Variants in IDO2 observed in about 807,000 individuals in gnomAD.
IDO2 encodes indoleamine 2,3-dioxygenase-like 1 protein.
Under a neutral mutation model 45.1 loss-of-function variants are expected in IDO2, and 46 were observed. The ratio of observed to expected loss-of-function variants is 1.02; its 90% confidence interval spans 0.80 to 1.30. The LOEUF is 1.30. Ranked by LOEUF, IDO2 falls within the 50% of genes most tolerant of loss-of-function variation. IDO2 has a pLI of 0.00. For missense variants in IDO2, 544 were observed against 491.8 expected (o/e 1.11, Z -1.00); for synonymous variants, 218 against 184.9 (o/e 1.18, Z -1.45).
At chr8:39,995,880 C>T (rs1223924415) in intron 8 of IDO2, among the ~76,000 whole-genome samples, 1 of 152,122 alleles carries the variant, frequency 6.6e-6, no homozygotes, top group Non-Finnish European at 1.5e-5. Flanking sequence ...CTAGCGGTAA[C>T]GCCCGCGTCT....
At chr8:39,939,258 A>T (rs1175741783) in intron 1 of IDO2, among the ~76,000 whole-genome samples, 38 of 149,084 alleles carry the variant, frequency 2.5e-4, no homozygotes, top group Admixed American at 1.0e-3. Flanking sequence ...AAAAAAAAAA[A>T]AAAAGAGGCC....
chr8:39,964,196 C>G (rs2543053), intron 3 of IDO2, among the ~76,000 whole-genome samples: 3 of 152,202 alleles, frequency 2.0e-5, no homozygotes, highest in Admixed American at 1.3e-4. Flanking sequence ...AAATTCCACA[C>G]AAGTGTTGAT....
chr8:39,966,140 T>G (rs979843728), intron 3 of IDO2, among the ~76,000 whole-genome samples: 1 of 150,148 alleles, frequency 6.7e-6, no homozygotes, highest in African/African-American at 2.5e-5. Context: ...GCAATTCTCC[T>G]GCCTCAGCCT....
intron 4 of IDO2, 32 bp from the exon 5 acceptor site, chr8:39,982,620 A>G (rs1401865859): frequency 2.9e-6 from 4 of 1,381,784 alleles, no homozygotes; most frequent in Non-Finnish European, 4.0e-6. Flanking sequence ...GCTTTCTAGA[A>G]TATGCTATTT....
At chr8:40,007,507 G>A (rs1477295560) in intron 9 of IDO2, among the ~76,000 whole-genome samples, 1 of 151,696 alleles carries the variant, frequency 6.6e-6, no homozygotes, top group Non-Finnish European at 1.5e-5. Flanking sequence ...CTGGGAGTGT[G>A]TTTTAGTATT....
At chr8:39,953,666 G>A (rs1807844767) in intron 2 of IDO2, among the ~76,000 whole-genome samples, 1 of 152,046 alleles carries the variant, frequency 6.6e-6, no homozygotes, top group South Asian at 2.1e-4. Context: ...GGGTTCAAAC[G>A]ATTCTCCTGC....
At chr8:39,966,193 T>C (rs1332600445) in intron 3 of IDO2, among the ~76,000 whole-genome samples, 1 of 151,992 alleles carries the variant, frequency 6.6e-6, no homozygotes, top group Non-Finnish European at 1.5e-5. Flanking sequence ...CATGCCCATG[T>C]AATTTTTGTA....
exon 11 of IDO2, chr8:40,015,876 G>A (rs1315459618): frequency 1.3e-5 from 5 of 372,594 alleles, no homozygotes; most frequent in Middle Eastern, 6.8e-4. Flanking sequence ...GTGACTGTAT[G>A]CCATTCTCTT....
chr8:39,987,861 C>T lies in IDO2; in HGVS notation c.450-10C>T. 6.4e-7 allele frequency: 1 copy of T among 1,562,730 alleles called. No homozygotes were observed. Among genetic ancestry groups the T allele is most frequent in the Non-Finnish European group, 8.8e-7 (1 of 1,138,920 alleles). Reference sequence around the variant, plus strand: ...CACACCTCTAATCATGTGCTCCTCTCCTTCCCAAGGAACCTGGAGACCATC... The same window carrying T: ...CACACCTCTAATCATGTGCTCCTCTTCTTCCCAAGGAACCTGGAGACCATC... On this transcript the variant is annotated splice_polypyrimidine_tract_variant and intron_variant, in intron 6 of 10. Transcript: ENST00000502986.
intron 8 of IDO2, among the ~76,000 whole-genome samples, chr8:39,996,090 A>G (rs1802043248): frequency 7.0e-6 from 1 of 143,614 alleles, no homozygotes; most frequent in African/African-American, 2.5e-5. Flanking sequence ...AAAAAAAAAG[A>G]AAAGAAAAGG....
At position 39,935,110 on chromosome 8, in the gene IDO2, A is replaced by G. The variant is rs971003455; in HGVS notation, c.-126A>G. On this transcript the variant is annotated 5_prime_UTR_variant, in exon 1 of 11. The change creates a new upstream start codon in the 5' untranslated region. Coordinates refer to ENST00000502986, the Ensembl canonical transcript of IDO2. ...TTTGACATTAGAAATGTACCATAATACAGAAGGCAATGGACACCTAAAGAA... is the reference window on the plus strand; with the variant it reads ...TTTGACATTAGAAATGTACCATAATGCAGAAGGCAATGGACACCTAAAGAA... The G allele has an allele frequency of 4.6e-6, 5 of 1,098,638 alleles. No individual in the cohort carries two copies. Among genetic ancestry groups the G allele is most frequent in the Non-Finnish European group, 7.1e-6 (5 of 709,030 alleles). 68.1% of individuals were successfully genotyped at this position (1,098,638 alleles called of 1,614,324 possible). A position where few individuals can be genotyped will look rare whatever the true frequency, so the allele number is the denominator to read the frequency against.
intron 4 of IDO2, among the ~76,000 whole-genome samples, chr8:39,982,132 AATCT>A (rs1412227158): frequency 2.0e-5 from 3 of 151,886 alleles, no homozygotes; most frequent in Non-Finnish European, 2.9e-5. Flanking sequence ...TCAATCAATA[AATCT>A]ATCTATCATC....
At chr8:39,978,043 C>G (rs1175865225) in intron 3 of IDO2, among the ~76,000 whole-genome samples, 1 of 152,186 alleles carries the variant, frequency 6.6e-6, no homozygotes, top group Non-Finnish European at 1.5e-5. Context: ...TTCATTCTAT[C>G]TAGCTGTATT....
At chr8:39,935,073 G>A in exon 1 of IDO2, 1 of 882,304 alleles carries the variant, frequency 1.1e-6, no homozygotes, top group Non-Finnish European at 1.9e-6. Context: ...TAAAGACAAG[G>A]ATTGGATTAG....
intron 8 of IDO2, among the ~76,000 whole-genome samples, chr8:40,004,525 T>TGCTA (rs1554549462): frequency 1.4e-5 from 2 of 144,398 alleles, no homozygotes; most frequent in African/African-American, 5.1e-5. Context: ...GACAGACAGA[T>TGCTA]GATAGATAGA....
chr8:40,014,773 G>T (rs551945675), intron 10 of IDO2, among the ~76,000 whole-genome samples: 26 of 152,284 alleles, frequency 1.7e-4, no homozygotes, highest in Admixed American at 1.2e-3. Flanking sequence ...ATACATTTGA[G>T]TACGTGAAGT....
At chr8:39,986,967 A>G (rs987491330) in intron 6 of IDO2, 2 of 151,796 alleles carry the variant, frequency 1.3e-5, no homozygotes, top group African/African-American at 2.4e-5. Context: ...CTCTTGCCTC[A>G]GTCTCTTGCG....
chr8:39,960,876 G>A (rs181274148), intron 2 of IDO2, among the ~76,000 whole-genome samples: 2,183 of 152,098 alleles, frequency 0.014, 54 homozygotes, highest in African/African-American at 0.05. Flanking sequence ...TCCACCTCCC[G>A]GGTTCATGCC....
intron 8 of IDO2, chr8:39,995,212 T>TCTCCTA (rs1802017622): frequency 1.5e-5 from 1 of 67,574 alleles, no homozygotes; most frequent in Non-Finnish European, 2.8e-5. Context: ...TCCTTCTCCT[T>TCTCCTA]CTCCTTCTCC....
Sources: allele counts gnomAD v4.1 joint callset (sites outside exome capture counted in the v4.1 genomes callset), GRCh38; gene constraint gnomAD v4.1.1; transcripts MANE v1.5; gene names NCBI Gene and HGNC (gene_info 2026-07-23, HGNC 2026-07-21).